Variants in VTI1A observed in about 807,000 individuals in gnomAD.
VTI1A encodes the protein vesicle transport through interaction with t-SNAREs 1A.
A neutral mutation model predicts 34.9 loss-of-function variants in VTI1A; 22 were observed. That is an observed-to-expected ratio of 0.63 (90% confidence interval 0.45 to 0.90). VTI1A has a LOEUF of 0.90. VTI1A is among the 40% of genes least tolerant of loss of function. VTI1A has a pLI of 0.00. For synonymous variants in VTI1A, 87 were observed against 97.3 expected, an observed-to-expected ratio of 0.89 and a Z score of 0.62; for missense variants, 268 against 275.6, an observed-to-expected ratio of 0.97 and a Z score of 0.20.
intron 3 of VTI1A, among the ~76,000 whole-genome samples, chr10:112,493,681 G>A (rs996024197): frequency 2.6e-5 from 4 of 152,094 alleles, no homozygotes; most frequent in Admixed American, 1.3e-4. Flanking sequence ...ATTATAAATA[G>A]GTGTTGGATT....
At chr10:112,834,841 A>G in the VTI1A span, among the ~76,000 whole-genome samples, 1 of 152,210 alleles carries the variant, frequency 6.6e-6, no homozygotes, top group Non-Finnish European at 1.5e-5. Flanking sequence ...CAAATGTGCA[A>G]CATGAGTCTC....
intron 3 of VTI1A, among the ~76,000 whole-genome samples, chr10:112,476,707 G>C (rs1210799220): frequency 6.6e-6 from 1 of 152,190 alleles, no homozygotes; most frequent in Non-Finnish European, 1.5e-5. Flanking sequence ...GGTTACAAAA[G>C]TATTTGAATA....
intron 4 of VTI1A, among the ~76,000 whole-genome samples, chr10:112,533,841 A>G (rs1850531515): frequency 1.3e-5 from 2 of 152,042 alleles, no homozygotes; most frequent in African/African-American, 4.8e-5. Context: ...TTAAAACTCT[A>G]CCTGAGTGTA....
the VTI1A span, among the ~76,000 whole-genome samples, chr10:112,835,154 C>A: frequency 6.6e-6 from 1 of 152,096 alleles, no homozygotes; most frequent in African/African-American, 2.4e-5. Flanking sequence ...ACAAAAGAGA[C>A]CTCCCAAAGC....
chr10:112,703,307 C>A (rs1209890865), intron 7 of VTI1A, among the ~76,000 whole-genome samples: 1 of 152,180 alleles, frequency 6.6e-6, no homozygotes, highest in Non-Finnish European at 1.5e-5. Flanking sequence ...GTGGCTCACG[C>A]CTGTAACCCC....
At chr10:112,852,993 C>T in the VTI1A span, among the ~76,000 whole-genome samples, 10 of 152,104 alleles carry the variant, frequency 6.6e-5, no homozygotes, top group African/African-American at 2.4e-4. Flanking sequence ...ACCATGTTGA[C>T]CAGGCTGGTC....
chr10:112,717,957 C>T (rs997267854), intron 7 of VTI1A, among the ~76,000 whole-genome samples: 6 of 152,030 alleles, frequency 3.9e-5, no homozygotes, highest in African/African-American at 1.2e-4. Flanking sequence ...ATTACGGTGT[C>T]GCCCACAACC....
chr10:112,616,122 A>T (rs1845505173), intron 5 of VTI1A, among the ~76,000 whole-genome samples: 1 of 152,226 alleles, frequency 6.6e-6, no homozygotes, highest in Non-Finnish European at 1.5e-5. Flanking sequence ...TATTAAGAAA[A>T]TAAGGAAAAT....
chr10:112,717,737 G>A (rs1396550025), intron 7 of VTI1A, among the ~76,000 whole-genome samples: 1 of 152,108 alleles, frequency 6.6e-6, no homozygotes, highest in Non-Finnish European at 1.5e-5. Flanking sequence ...ATTCTACTCA[G>A]CAAGACAGTC....
intron 5 of VTI1A, among the ~76,000 whole-genome samples, chr10:112,598,574 C>T (rs935910108): frequency 6.6e-6 from 1 of 152,186 alleles, no homozygotes; most frequent in Non-Finnish European, 1.5e-5. Context: ...GGGGGGAAAG[C>T]ATAACCTTTT....
intron 7 of VTI1A, among the ~76,000 whole-genome samples, chr10:112,750,206 T>C (rs1851054056): frequency 6.6e-6 from 1 of 152,090 alleles, no homozygotes; most frequent in Admixed American, 6.6e-5. Context: ...TTTTGTTTTT[T>C]GAGGTAGGGT....
intron 3 of VTI1A, among the ~76,000 whole-genome samples, chr10:112,470,325 T>C (rs535416922): frequency 6.6e-6 from 1 of 152,252 alleles, no homozygotes; most frequent in African/African-American, 2.4e-5. Context: ...GACAGATTAA[T>C]GGGAAAAACC....
At chr10:112,577,833 G>T (rs1843768864) in intron 5 of VTI1A, among the ~76,000 whole-genome samples, 2 of 152,230 alleles carry the variant, frequency 1.3e-5, no homozygotes, top group Non-Finnish European at 2.9e-5. Context: ...CTTCCAGGCA[G>T]TGAAGAATTG....
the VTI1A span, among the ~76,000 whole-genome samples, chr10:112,844,736 A>T: frequency 6.6e-5 from 10 of 152,164 alleles, no homozygotes; most frequent in African/African-American, 2.4e-4. Flanking sequence ...ACATTGAACC[A>T]TGGAAAATGT....
At chr10:112,546,699 CA>C (rs1851143870) in intron 5 of VTI1A, among the ~76,000 whole-genome samples, 1 of 152,002 alleles carries the variant, frequency 6.6e-6, no homozygotes, top group Non-Finnish European at 1.5e-5. Flanking sequence ...GAGGCATATT[CA>C]TCACAATTTC....
chr10:112,639,403 A>G, intron 5 of VTI1A, among the ~76,000 whole-genome samples: 1 of 152,160 alleles, frequency 6.6e-6, no homozygotes, highest in Non-Finnish European at 1.5e-5. Context: ...GTTATTCTAT[A>G]ACAGTGACAT....
At chr10:112,648,713 A>G (rs1846896944) in intron 5 of VTI1A, among the ~76,000 whole-genome samples, 1 of 152,110 alleles carries the variant, frequency 6.6e-6, no homozygotes, top group Non-Finnish European at 1.5e-5. Flanking sequence ...TAAAATTTTT[A>G]TTATTACCCT....
chr10:112,832,431 C>T, the VTI1A span: 1 of 152,418 alleles, frequency 6.6e-6, no homozygotes, highest in Non-Finnish European at 1.5e-5. Flanking sequence ...CGTCGGGCCC[C>T]TATGCATTCC....
intron 5 of VTI1A, among the ~76,000 whole-genome samples, chr10:112,640,564 A>T (rs73350537): frequency 1.3e-5 from 2 of 152,064 alleles, no homozygotes; most frequent in East Asian, 3.9e-4. Context: ...ACAACAACAA[A>T]AAAAAACCCC....
Sources: gnomAD v4.1 joint callset for allele counts (sites outside exome capture counted in the v4.1 genomes callset) on GRCh38, gnomAD v4.1.1 for gene constraint, MANE v1.5 for transcripts, NCBI Gene and HGNC (gene_info 2026-07-23, HGNC 2026-07-21) for gene names.